PDE6B: variants seen among roughly 807,000 people sequenced by gnomAD.
PDE6B encodes phosphodiesterase 6B, also known as rod cGMP-specific 3',5'-cyclic phosphodiesterase subunit beta.
Under a neutral mutation model 109.0 loss-of-function variants are expected in PDE6B, and 106 were observed. That is an observed-to-expected ratio of 0.97 (90% CI 0.83 to 1.14). The LOEUF (loss-of-function observed/expected upper bound fraction) is 1.14. Ranked by LOEUF, PDE6B falls within the 50% of genes most tolerant of loss-of-function variation. The pLI, the probability that PDE6B is intolerant of heterozygous loss-of-function variation, is 0.00. For missense variants in PDE6B, 1,193 were observed against 1,155.6 expected (o/e 1.03, Z -0.47); for synonymous variants, 490 against 471.3 (o/e 1.04, Z -0.51).
chr4:640,658 G>A (rs533027201), intron 3 of PDE6B, among the ~76,000 whole-genome samples: 9 of 152,130 alleles, frequency 5.9e-5, no homozygotes, highest in Non-Finnish European at 1.3e-4. Context: ...TCTGCTAGAG[G>A]TTGTATAGAT....
In PDE6B at chr4:665,879, G is replaced by A. The variant is rs992720923; in HGVS notation, c.2268+550G>A. 2.6e-5 allele frequency among the ~76,000 whole-genome samples: 4 copies of A among 152,160 alleles called. No homozygotes were observed. The highest frequency in any genetic ancestry group is 9.7e-5 in the African/African-American group (4 of 41,442). ...GGGAGCTGTGGTTTCTCACACACCC[G>A]CTCTGGTGGGCGGCGAGGGGCTCTC... On this transcript the variant is annotated intron_variant, in intron 19 of 21. Transcript: ENST00000496514. The surrounding 1 kb of genome is among the most constrained non-coding windows in gnomAD (Gnocchi z 4.0).
chr4:667,942 G>A lies in PDE6B; in HGVS notation c.2439G>A (p.Glu813=), dbSNP rs1033900253. 9 of 1,613,424 alleles carry A rather than the reference G, an allele frequency of 5.6e-6. No homozygotes were observed. Among genetic ancestry groups the A allele is most frequent in the Admixed American group, 1.7e-5 (1 of 60,010 alleles). ...NRKEWKALAD[E]YEAKVKALEE... ...AAGAGTGGAAGGCGCTGGCTGATGA[G>A]TATGAGGCCAAAGTGAAGGCTCTGG... The change falls in exon 21 of 22, where the codon GAG becomes GAA. Residue 813 remains glutamate (E), a synonymous_variant. Transcript: ENST00000496514.
chr4:657,926 G>A lies in PDE6B; in HGVS notation c.1401+432G>A, dbSNP rs534401743. On this transcript the variant is annotated intron_variant, in intron 10 of 21. Coordinates refer to ENST00000496514, the MANE Select transcript of PDE6B (RefSeq NM_000283.4). ...CATGGCTGTGTGGCACAGGCAGGTC[G>A]TCCAGGGGTCCATTGAGGGGTCACA... 1.9e-4 allele frequency among the ~76,000 whole-genome samples: 26 copies of A among 134,900 alleles called. No individual in the cohort carries two copies. In the East Asian group the frequency reaches 2.2e-3, roughly 11 times the overall value. The allele number at this position is 134,900 out of a possible 152,430, so 88.5% of individuals were successfully genotyped here.
At chr4:643,689 A>G (rs1213079156) in intron 3 of PDE6B, among the ~76,000 whole-genome samples, 2 of 151,918 alleles carry the variant, frequency 1.3e-5, no homozygotes, top group African/African-American at 4.8e-5. Flanking sequence ...TTAAAATCAA[A>G]TTTTGAGGCA....
intron 1 of PDE6B, among the ~76,000 whole-genome samples, chr4:627,572 C>T (rs953551331): frequency 1.4e-4 from 21 of 152,264 alleles, no homozygotes; most frequent in African/African-American, 4.1e-4. Flanking sequence ...ACAAATCAAT[C>T]GTGCATCAGG....
intron 21 of PDE6B, 80 bp from the exon 22 acceptor site, chr4:669,966 G>A (rs1738329286): frequency 4.2e-6 from 5 of 1,183,072 alleles, no homozygotes; most frequent in Non-Finnish European, 5.1e-6. Context: ...GGTTGGTAGA[G>A]GTCACACCAG....
At chr4:631,476 T>A (rs1342162398) in intron 1 of PDE6B, among the ~76,000 whole-genome samples, 1 of 151,428 alleles carries the variant, frequency 6.6e-6, no homozygotes, top group East Asian at 2.0e-4. Flanking sequence ...ATTGTGTGGA[T>A]CCCTGTGGCG....
At chr4:642,743 A>AAAAAAAAAAAAAAAAAAAAAT (rs1560108817) in intron 3 of PDE6B, among the ~76,000 whole-genome samples, 1 of 151,470 alleles carries the variant, frequency 6.6e-6, no homozygotes, top group Non-Finnish European at 1.5e-5. Context: ...AAAAAAAAAA[A>AAAAAAAAAAAAAAAAAAAAAT]AAAAAAAGAA....
Position 635,973 on chromosome 4 carries a change from C to T in PDE6B, c.711+4C>T, listed in dbSNP as rs778325277. 1.3e-6 allele frequency: 2 copies of T among 1,561,340 alleles called. No individual in the cohort carries two copies. Among genetic ancestry groups the T allele is most frequent in the South Asian group, 1.1e-5 (1 of 90,002 alleles). On this transcript the variant is annotated splice_donor_region_variant and intron_variant, in intron 3 of 21. Transcript: ENST00000496514. ...CTGCGAGACGCGCCGCGGCCAGGTACCCACACGCTGAGCACAGCTCTGCCC... is the reference window on the plus strand; with the variant it reads ...CTGCGAGACGCGCCGCGGCCAGGTATCCACACGCTGAGCACAGCTCTGCCC...
At chr4:660,099 C>G (rs556524616) in intron 11 of PDE6B, among the ~76,000 whole-genome samples, 1 of 152,226 alleles carries the variant, frequency 6.6e-6, no homozygotes, top group East Asian at 1.9e-4. Context: ...ACACCGGTGC[C>G]TTTGTATTCA....
At chr4:660,361 C>T in intron 11 of PDE6B, 106 bp from the exon 12 acceptor site, 1 of 1,119,456 alleles carries the variant, frequency 8.9e-7, no homozygotes, top group Non-Finnish European at 1.4e-6. Flanking sequence ...CTCAGAGATG[C>T]CTGAGGTGTC....
chr4:653,412 T>C, intron 3 of PDE6B: 1 of 939,524 alleles, frequency 1.1e-6, no homozygotes, highest in Non-Finnish European at 1.4e-6. Flanking sequence ...CCTCGTGGAG[T>C]GCGTCAGCAA....
At chr4:641,051 C>G (rs1190051432) in intron 3 of PDE6B, among the ~76,000 whole-genome samples, 1 of 152,210 alleles carries the variant, frequency 6.6e-6, no homozygotes. Context: ...CCTTAAGAGT[C>G]AGTTTGTCAA....
At position 648,517 on chromosome 4, in the gene PDE6B, C is replaced by T. The variant is rs951833554; in HGVS notation, c.712-5335C>T. Among the ~76,000 whole-genome samples the T allele has an allele frequency of 6.6e-6, 1 of 152,168 alleles. No individual in the cohort carries two copies. The highest frequency in any genetic ancestry group is 1.9e-4 in the East Asian group (1 of 5,188). ...CACTGGGATTGAAGCAGCCTCTGGG[C>T]GCTCCCCCCTCCCTCTGTCCCGGGC... On this transcript the variant is annotated intron_variant, in intron 3 of 21. Transcript: ENST00000496514. The surrounding 1 kb of genome is among the most constrained non-coding windows in gnomAD (Gnocchi z 4.5).
Position 667,955 on chromosome 4 carries a change from G to A in PDE6B, c.2452G>A (p.Val818Met), listed in dbSNP as rs780093024. 3 of 1,613,450 alleles carry A rather than the reference G, an allele frequency of 1.9e-6. No homozygotes were observed. The highest frequency in any genetic ancestry group is 2.5e-6 in the Non-Finnish European group (3 of 1,179,756). The change falls in exon 21 of 22, where the codon GTG (valine) becomes ATG (methionine). Residue 818 changes from valine to methionine, a missense_variant. By Grantham distance (21) the Val-to-Met change is conservative (BLOSUM62 1). Transcript: ENST00000496514. Reference sequence around the variant, plus strand: ...GCTGGCTGATGAGTATGAGGCCAAAGTGAAGGCTCTGGAGGAGAAGGAGGA... The same window carrying A: ...GCTGGCTGATGAGTATGAGGCCAAAATGAAGGCTCTGGAGGAGAAGGAGGA... ...KALADEYEAK[V>M]KALEEKEEEE... is the part of the protein sequence containing the mutation.
intron 21 of PDE6B, 142 bp downstream of exon 21, chr4:668,148 AG>A: frequency 1.3e-6 from 1 of 785,336 alleles, no homozygotes; most frequent in Non-Finnish European, 2.0e-6. Flanking sequence ...GCCACAGTGC[AG>A]GGAGAGAGGC....
chr4:630,629 G>A (rs1027466690), intron 1 of PDE6B, among the ~76,000 whole-genome samples: 1 of 152,334 alleles, frequency 6.6e-6, no homozygotes, highest in Admixed American at 6.5e-5. Context: ...CCAGCTGCTC[G>A]CAGAAGCCTG....
chr4:628,416 C>T (rs1438578774), intron 1 of PDE6B, among the ~76,000 whole-genome samples: 4 of 152,136 alleles, frequency 2.6e-5, no homozygotes, highest in Admixed American at 1.3e-4. Flanking sequence ...ACGCAACACC[C>T]GGGCCACCCG....
At position 634,812 on chromosome 4, in the gene PDE6B, A is replaced by C; in HGVS notation, c.604A>C (p.Thr202Pro). 6.2e-7 allele frequency: 1 copy of C among 1,613,770 alleles called. No homozygotes were observed. Among genetic ancestry groups the C allele is most frequent in the Non-Finnish European group, 8.5e-7 (1 of 1,179,808 alleles). The change falls in exon 2 of 22, where the codon ACC (threonine) becomes CCC (proline). Residue 202 changes from threonine to proline, a missense_variant. Coordinates refer to ENST00000496514, the MANE Select transcript of PDE6B (RefSeq NM_000283.4). ...GAACAAGCTCAACGGCCCATTCTTC[A>C]CCAGCGAAGACGAAGATGTGAGTGT... is the stretch of plus-strand genomic sequence containing the variant. ...AVNKLNGPFF[T>P]SEDEDVFLKY...
Sources: allele counts gnomAD v4.1 joint callset (sites outside exome capture counted in the v4.1 genomes callset), GRCh38; gene constraint gnomAD v4.1.1; non-coding constraint Gnocchi (gnomAD v3.1); transcripts MANE v1.5; gene names NCBI Gene and HGNC (gene_info 2026-07-23, HGNC 2026-07-21).